DTNA: variants seen among roughly 807,000 people sequenced by gnomAD.
The protein encoded by DTNA is dystrophin-related protein 3.
In DTNA, 43 loss-of-function variants were observed where a neutral mutation model predicts 100.7. The observed-to-expected ratio is 0.43, with a 90% confidence interval of 0.33 to 0.55. The LOEUF (loss-of-function observed/expected upper bound fraction) is 0.55. Among genes scored for constraint, DTNA ranks in the 20% least tolerant of loss-of-function variants. The probability of loss-of-function intolerance (pLI) is 0.04; values close to 1 mark genes in which losing one functional copy is unlikely to be tolerated. For missense variants in DTNA, 798 were observed against 953.9 expected (o/e 0.84, Z 2.15); for synonymous variants, 349 against 347.9 (o/e 1.00, Z -0.04).
chr18:34,678,748 C>T (rs571373674), intron 1 of DTNA, among the ~76,000 whole-genome samples: 8 of 152,084 alleles, frequency 5.3e-5, no homozygotes, highest in Admixed American at 2.0e-4. Context: ...GGCATTGGGG[C>T]GGGCAGTCTA....
intron 1 of DTNA, among the ~76,000 whole-genome samples, chr18:34,732,125 C>T (rs1021084479): frequency 1.3e-5 from 2 of 152,202 alleles, no homozygotes; most frequent in African/African-American, 4.8e-5. Flanking sequence ...GTCTCACTAA[C>T]ACCATGATCA....
intron 17 of DTNA, among the ~76,000 whole-genome samples, chr18:34,869,001 T>C (rs1298465595): frequency 1.3e-5 from 2 of 152,210 alleles, no homozygotes; most frequent in East Asian, 1.9e-4. Context: ...CTGAGTAGAC[T>C]GACTTTGACT....
chr18:34,498,526 CTT>C (rs2039541408), intron 1 of DTNA, among the ~76,000 whole-genome samples: 1 of 151,158 alleles, frequency 6.6e-6, no homozygotes, highest in African/African-American at 2.4e-5. Context: ...TAAAAGTAGA[CTT>C]ATCAATAACT....
At chr18:34,669,441 T>C (rs546579444) in intron 1 of DTNA, among the ~76,000 whole-genome samples, 3 of 152,350 alleles carry the variant, frequency 2.0e-5, no homozygotes, top group African/African-American at 7.2e-5. Context: ...AGGTTAATAC[T>C]GTTATGTGTG....
At chr18:34,621,019 A>G (rs2056395155) in intron 1 of DTNA, among the ~76,000 whole-genome samples, 1 of 151,948 alleles carries the variant, frequency 6.6e-6, no homozygotes. Flanking sequence ...TTCAAGTGCT[A>G]TTTTTTGTTA....
chr18:34,806,447 T>C, intron 5 of DTNA, 143 bp downstream of exon 5: 1 of 746,432 alleles, frequency 1.3e-6, no homozygotes, highest in South Asian at 1.6e-5. Context: ...TTCACTGATG[T>C]TTGGATTTTG....
intron 1 of DTNA, among the ~76,000 whole-genome samples, chr18:34,529,083 A>G (rs896529625): frequency 1.8e-4 from 27 of 152,244 alleles, no homozygotes; most frequent in African/African-American, 6.3e-4. Flanking sequence ...GTGGAGCTGC[A>G]TAGCCATTAT....
At position 34,888,266 on chromosome 18, in the gene DTNA, AT is replaced by A; in HGVS notation, c.*539del. 2.0e-6 allele frequency: 2 copies of A among 985,758 alleles called. No individual in the cohort carries two copies. The highest frequency in any genetic ancestry group is 2.4e-6 in the Non-Finnish European group (2 of 829,900). The allele number at this position is 985,758 out of a possible 1,614,324, so 61.1% of individuals were successfully genotyped here. A position where few individuals can be genotyped will look rare whatever the true frequency, so the allele number is the denominator to read the frequency against. Reference sequence around the variant, plus strand: ...CAAAACAGTTTATTATACACTGTACATTTTTTTCACAGCAATTGGAAAAAAA... The same window carrying A: ...CAAAACAGTTTATTATACACTGTACATTTTTTCACAGCAATTGGAAAAAAA... On this transcript the variant is annotated 3_prime_UTR_variant, in exon 23 of 23. Coordinates refer to ENST00000444659, the MANE Select transcript of DTNA (RefSeq NM_001386795.1).
intron 3 of DTNA, among the ~76,000 whole-genome samples, chr18:34,789,117 C>A (rs963051972): frequency 8.5e-5 from 13 of 152,098 alleles, no homozygotes; most frequent in African/African-American, 3.1e-4. Flanking sequence ...AGGAATGAAA[C>A]CTTAATCTCT....
Position 34,870,225 on chromosome 18 carries a change from A to G in DTNA, c.1744-5014A>G, listed in dbSNP as rs115347449. ...TGGTGGGGAAAAAAAGTCAAGCATCATTCCAAATTCCATCTCCTACCCTTA... is the reference window on the plus strand; with the variant it reads ...TGGTGGGGAAAAAAAGTCAAGCATCGTTCCAAATTCCATCTCCTACCCTTA... On this transcript the variant is annotated intron_variant, in intron 17 of 22. Coordinates refer to ENST00000444659, the MANE Select transcript of DTNA (RefSeq NM_001386795.1). Among the ~76,000 whole-genome samples, 748 of 152,328 alleles carry G rather than the reference A, an allele frequency of 4.9e-3. 6 individuals carry two copies. The highest frequency in any genetic ancestry group is 0.017 in the African/African-American group (714 of 41,580).
At chr18:34,654,674 G>A (rs2074095585) in intron 1 of DTNA, among the ~76,000 whole-genome samples, 1 of 152,066 alleles carries the variant, frequency 6.6e-6, no homozygotes, top group South Asian at 2.1e-4. Flanking sequence ...CTTCCATGTG[G>A]GATAATCTAT....
intron 1 of DTNA, among the ~76,000 whole-genome samples, chr18:34,519,960 A>G (rs541425977): frequency 1.3e-5 from 2 of 152,290 alleles, no homozygotes; most frequent in South Asian, 4.1e-4. Context: ...AGTACCTATA[A>G]CTCACATTGT....
intron 1 of DTNA, chr18:34,504,215 C>T (rs1288447958): frequency 6.6e-6 from 1 of 151,858 alleles, no homozygotes; most frequent in African/African-American, 2.4e-5. Context: ...ACATCATATA[C>T]ACATAATTTA....
At chr18:34,868,027 A>G in intron 17 of DTNA, 1 of 983,484 alleles carries the variant, frequency 1.0e-6, no homozygotes, top group Non-Finnish European at 1.2e-6. Context: ...GAGGCAGCTT[A>G]CAACAAAAGA....
chr18:34,853,621 C>G (rs935309280), intron 15 of DTNA, among the ~76,000 whole-genome samples: 1 of 151,920 alleles, frequency 6.6e-6, no homozygotes, highest in African/African-American at 2.4e-5. Flanking sequence ...TACTCTGACC[C>G]CCAGGGAGAT....
chr18:34,799,926 T>G (rs1304734257), intron 4 of DTNA, among the ~76,000 whole-genome samples: 1 of 152,120 alleles, frequency 6.6e-6, no homozygotes, highest in Non-Finnish European at 1.5e-5. Flanking sequence ...TAAGGAGTAC[T>G]TTTCCCAGAT....
intron 1 of DTNA, among the ~76,000 whole-genome samples, chr18:34,636,783 A>G (rs2058714023): frequency 6.6e-6 from 1 of 152,204 alleles, no homozygotes; most frequent in Admixed American, 6.5e-5. Flanking sequence ...CTTCTGACCT[A>G]CAGCTTTTAG....
chr18:34,536,436 G>T (rs1485976864), intron 1 of DTNA, among the ~76,000 whole-genome samples: 2 of 151,790 alleles, frequency 1.3e-5, no homozygotes, highest in African/African-American at 4.8e-5. Flanking sequence ...ACATGTTATT[G>T]ATTCTTTTAA....
intron 1 of DTNA, among the ~76,000 whole-genome samples, chr18:34,570,691 A>T (rs543601369): frequency 1.1e-3 from 165 of 152,342 alleles, no homozygotes; most frequent in African/African-American, 3.9e-3. Context: ...AAATCACAAA[A>T]TACTGGTGGT....
Sources: gnomAD v4.1 joint callset for allele counts (sites outside exome capture counted in the v4.1 genomes callset) on GRCh38, gnomAD v4.1.1 for gene constraint, MANE v1.5 for transcripts, NCBI Gene and HGNC (gene_info 2026-07-23, HGNC 2026-07-21) for gene names.